The following SEC23A variants were observed in gnomAD, a reference collection of about 807,000 sequenced individuals.
SEC23A encodes the protein protein transport protein Sec23A.
In SEC23A, 56 loss-of-function variants were observed where a neutral mutation model predicts 103.7. The ratio of observed to expected loss-of-function variants is 0.54; its 90% CI spans 0.44 to 0.67. The LOEUF is 0.67. Among genes scored for constraint, SEC23A ranks in the 30% least tolerant of loss-of-function variants. The pLI is 0.00. For missense variants in SEC23A, 784 were observed against 936.4 expected (o/e 0.84, Z 2.12); for synonymous variants, 281 against 293.0 (o/e 0.96, Z 0.42).
At chr14:39,083,697 G>T (rs1887317395) in intron 7 of SEC23A, among the ~76,000 whole-genome samples, 1 of 147,282 alleles carries the variant, frequency 6.8e-6, no homozygotes, top group Non-Finnish European at 1.5e-5. Flanking sequence ...CAAGTAGCTG[G>T]GACTACAGGC....
intron 2 of SEC23A, among the ~76,000 whole-genome samples, chr14:39,095,194 G>T (rs754887682): frequency 6.6e-6 from 1 of 152,132 alleles, no homozygotes; most frequent in Non-Finnish European, 1.5e-5. Context: ...TGGATTGGCT[G>T]GGGGGAGAGG....
intron 17 of SEC23A, 94 bp downstream of exon 17, chr14:39,042,692 T>C (rs775250176): frequency 1.1e-4 from 89 of 783,084 alleles, no homozygotes; most frequent in Middle Eastern, 3.2e-4. Context: ...AAGTTTATCA[T>C]AGATGAAACA....
intron 7 of SEC23A, among the ~76,000 whole-genome samples, chr14:39,076,515 A>C (rs1887028257): frequency 6.8e-6 from 1 of 146,310 alleles, no homozygotes; most frequent in Admixed American, 7.0e-5. Context: ...TGATCCTCCC[A>C]CTTGAGCTTT....
Position 39,075,963 on chromosome 14 carries a change from T to C in SEC23A, c.959A>G (p.Asn320Ser), listed in dbSNP as rs929802936. ...IRSWHDIDKD[N>S]AKYVKKGTKH... ...AGTTCCCTTTTTAACATATTTGGCA[T>C]TGTCTTTGTCAATGTCATGCCACGA... Residue 320 changes from asparagine to serine, a missense_variant, in exon 8 of 20, where the codon AAT (asparagine) becomes AGT (serine). By Grantham distance (46) the Asn-to-Ser change is conservative (BLOSUM62 1). Coordinates refer to ENST00000307712, the MANE Select transcript of SEC23A (RefSeq NM_006364.4). 3.1e-6 allele frequency: 5 copies of C among 1,613,970 alleles called. No homozygotes were observed. In the African/African-American group the frequency reaches 4.0e-5, roughly 13 times the overall value.
chr14:39,079,734 A>G (rs1258940368), intron 7 of SEC23A, among the ~76,000 whole-genome samples: 1 of 152,122 alleles, frequency 6.6e-6, no homozygotes. Flanking sequence ...AGGCAGGAGA[A>G]TTGCTTAAAC....
chr14:39,081,766 T>A (rs1173618612), intron 7 of SEC23A, among the ~76,000 whole-genome samples: 2 of 152,170 alleles, frequency 1.3e-5, no homozygotes, highest in African/African-American at 4.8e-5. Flanking sequence ...TAAAATTTTT[T>A]TTATTTTAAT....
chr14:39,065,575 C>T (rs560642186), intron 10 of SEC23A, among the ~76,000 whole-genome samples: 8 of 152,180 alleles, frequency 5.3e-5, no homozygotes, highest in East Asian at 1.9e-4. Context: ...AAGCTATTTC[C>T]TTTCATTCAA....
chr14:39,098,823 C>A (rs1368176702), intron 1 of SEC23A, among the ~76,000 whole-genome samples: 2 of 149,328 alleles, frequency 1.3e-5, no homozygotes, highest in Non-Finnish European at 3.0e-5. Context: ...ACAGGGATGA[C>A]TACATTTGAC....
intron 14 of SEC23A, among the ~76,000 whole-genome samples, chr14:39,052,964 G>A (rs574782719): frequency 9.9e-5 from 15 of 152,092 alleles, no homozygotes; most frequent in Non-Finnish European, 1.8e-4. Context: ...GGTGAAACCC[G>A]TCTCTACTAA....
At chr14:39,039,152 A>G (rs1885555736) in intron 18 of SEC23A, 56 bp from the exon 19 acceptor site, 2 of 1,357,932 alleles carry the variant, frequency 1.5e-6, no homozygotes, top group Admixed American at 3.4e-5. Context: ...AGTCAATATC[A>G]GCTGAATAAT....
rs1340572975 is a variant in SEC23A, at chr14:39,033,202, T to C, written c.*37A>G. ...AGGAAAAAATGAAATTTGAATATTA[T>C]TTCATCTTCTTAAGTGTCTTTAACA... On this transcript the variant is annotated 3_prime_UTR_variant, in exon 20 of 20. Transcript: ENST00000307712. The C allele has an allele frequency of 7.0e-7, 1 of 1,425,404 alleles. No homozygotes were observed. The highest frequency in any genetic ancestry group is 2.3e-5 in the East Asian group (1 of 43,990). The allele number at this position is 1,425,404 out of a possible 1,614,324, so 88.3% of individuals were successfully genotyped here. A position where few individuals can be genotyped will look rare whatever the true frequency, so the allele number is the denominator to read the frequency against.
intron 18 of SEC23A, chr14:39,040,380 C>CT (rs1282379626): frequency 2.0e-5 from 4 of 203,624 alleles, no homozygotes; most frequent in Non-Finnish European, 4.0e-5. Flanking sequence ...TATTCATAGA[C>CT]TTTAACAGTA....
chr14:39,069,374 G>A (rs990223580), intron 9 of SEC23A, among the ~76,000 whole-genome samples: 6 of 152,028 alleles, frequency 3.9e-5, no homozygotes, highest in Non-Finnish European at 5.9e-5. Flanking sequence ...AAAGGTAAAC[G>A]GACTTTGTAA....
intron 2 of SEC23A, chr14:39,095,082 A>G: frequency 1.5e-6 from 1 of 674,720 alleles, no homozygotes; most frequent in East Asian, 2.7e-5. Context: ...CAGGAAAAAG[A>G]CTGTGGTATC....
chr14:39,040,511 A>C (rs1885602939), intron 18 of SEC23A: 1 of 588,442 alleles, frequency 1.7e-6, no homozygotes, highest in African/African-American at 1.9e-5. Context: ...GGCTAGAGAC[A>C]GAAGATGATG....
At chr14:39,094,905 T>A (rs1358491173) in intron 2 of SEC23A, 2 of 661,542 alleles carry the variant, frequency 3.0e-6, no homozygotes, top group African/African-American at 3.6e-5. Flanking sequence ...GCTTTATAGA[T>A]CTTGATAAGG....
At chr14:39,086,722 A>T (rs1032424820) in intron 6 of SEC23A, among the ~76,000 whole-genome samples, 6 of 152,216 alleles carry the variant, frequency 3.9e-5, no homozygotes, top group Admixed American at 3.9e-4. Flanking sequence ...AACAAAACTA[A>T]AGTAACTCCT....
At chr14:39,098,897 CAA>C (rs553534915) in intron 1 of SEC23A, among the ~76,000 whole-genome samples, 4 of 131,384 alleles carry the variant, frequency 3.0e-5, no homozygotes, top group Admixed American at 7.8e-5. Context: ...TGTGCCATAA[CAA>C]AAAAAAAAAA....
chr14:39,073,458 A>G (rs569624461), intron 9 of SEC23A, among the ~76,000 whole-genome samples: 25 of 151,674 alleles, frequency 1.6e-4, no homozygotes, highest in Non-Finnish European at 2.9e-4. Context: ...ACGCCCAGCT[A>G]ATTTTTATGT....
Sources: allele counts gnomAD v4.1 joint callset (sites outside exome capture counted in the v4.1 genomes callset), GRCh38; gene constraint gnomAD v4.1.1; transcripts MANE v1.5; gene names NCBI Gene and HGNC (gene_info 2026-07-23, HGNC 2026-07-21).